The following KIAA0586 variants were observed in gnomAD, a reference collection of about 807,000 sequenced individuals.
KIAA0586 encodes protein TALPID3.
KIAA0586 carries 144 observed loss-of-function variants against 169.8 expected under a neutral mutation model. That is an observed-to-expected ratio of 0.85 (90% confidence interval 0.74 to 0.97). The LOEUF (loss-of-function observed/expected upper bound fraction) is 0.97. Among genes scored for constraint, KIAA0586 ranks in the 50% least tolerant of loss-of-function variants. The probability of loss-of-function intolerance (pLI) is 0.00; values close to 1 mark genes in which losing one functional copy is unlikely to be tolerated. For missense variants in KIAA0586, 1,854 were observed against 1,823.0 expected (o/e 1.02, Z -0.31); for synonymous variants, 625 against 612.4 (o/e 1.02, Z -0.30).
chr14:58,555,481 A>G (rs1193488372), downstream of KIAA0586, among the ~76,000 whole-genome samples: 2 of 152,066 alleles, frequency 1.3e-5, no homozygotes, highest in African/African-American at 2.4e-5. Context: ...TAACTTAATG[A>G]CCTGGATAGT....
chr14:58,459,794 A>C, intron 12 of KIAA0586, 49 bp from the exon 13 acceptor site: 1 of 1,031,358 alleles, frequency 9.7e-7, no homozygotes, highest in Non-Finnish European at 1.4e-6. Flanking sequence ...ATGTGAAAGC[A>C]TTACTATTTG....
chr14:58,436,695 A>G (rs540521497), intron 4 of KIAA0586, among the ~76,000 whole-genome samples: 1 of 152,222 alleles, frequency 6.6e-6, no homozygotes, highest in Non-Finnish European at 1.5e-5. Context: ...ATATGTGTGT[A>G]TATACATACA....
At chr14:58,485,531 TG>T (rs779381659) in intron 21 of KIAA0586, among the ~76,000 whole-genome samples, 12 of 152,172 alleles carry the variant, frequency 7.9e-5, no homozygotes, top group Non-Finnish European at 1.3e-4. Flanking sequence ...GTCCCACTTC[TG>T]GGAACTTATT....
intron 27 of KIAA0586, among the ~76,000 whole-genome samples, chr14:58,504,149 A>G (rs1249153312): frequency 6.6e-6 from 1 of 152,152 alleles, no homozygotes; most frequent in Non-Finnish European, 1.5e-5. Context: ...CTGAGATGCA[A>G]TGTGATGGAT....
intron 16 of KIAA0586, among the ~76,000 whole-genome samples, chr14:58,469,760 C>T (rs985304185): frequency 6.6e-6 from 1 of 152,154 alleles, no homozygotes; most frequent in Non-Finnish European, 1.5e-5. Flanking sequence ...TAAGACTCTA[C>T]AAAAGAGGAA....
chr14:58,540,129 A>AT lies in KIAA0586; in HGVS notation c.4492dup (p.Ser1498PhefsTer67), dbSNP rs1424053228. 1 of 1,542,494 alleles carries AT rather than the reference A, an allele frequency of 6.5e-7. No individual in the cohort carries two copies. The highest frequency in any genetic ancestry group is 8.8e-7 in the Non-Finnish European group (1 of 1,135,432). On this transcript the variant is annotated frameshift_variant, in exon 30 of 31. Coordinates refer to ENST00000652326, the MANE Select transcript of KIAA0586 (RefSeq NM_001329943.3). LOFTEE classifies it low-confidence loss of function (END_TRUNC). ...AGCTTAATCCGTACCTCACATGTGTATTTTCAGGTAAGATTTTTACTTTAA... is the reference window on the plus strand; with the variant it reads ...AGCTTAATCCGTACCTCACATGTGTATTTTTCAGGTAAGATTTTTACTTTAA...
Position 58,522,333 on chromosome 14 carries a change from G to A in KIAA0586, c.4429+9706G>A, listed in dbSNP as rs536935021. On this transcript the variant is annotated intron_variant, in intron 29 of 30. Transcript: ENST00000652326. ...GGAGTACAGTTCTTTTCATTCATAC[G>A]TAAGTTCAGTAGTTGCTTCCCTAAC... 4.6e-5 allele frequency among the ~76,000 whole-genome samples: 7 copies of A among 152,232 alleles called. No homozygotes were observed. In the South Asian group the frequency reaches 6.2e-4, roughly 14 times the overall value.
chr14:58,529,745 A>G (rs1343178593), intron 29 of KIAA0586, among the ~76,000 whole-genome samples: 1 of 152,224 alleles, frequency 6.6e-6, no homozygotes, highest in Admixed American at 6.5e-5. Flanking sequence ...CCCACAGCCA[A>G]TATCATACTG....
intron 19 of KIAA0586, among the ~76,000 whole-genome samples, chr14:58,475,534 A>G (rs2141033126): frequency 1.3e-5 from 2 of 152,262 alleles, no homozygotes; most frequent in East Asian, 3.9e-4. Flanking sequence ...CATACTGATA[A>G]CAACAAGCTG....
At chr14:58,532,940 T>C (rs1186486909) in intron 29 of KIAA0586, among the ~76,000 whole-genome samples, 1 of 152,164 alleles carries the variant, frequency 6.6e-6, no homozygotes, top group Admixed American at 6.5e-5. Flanking sequence ...TATCTTAAAA[T>C]CTAATTGTTA....
chr14:58,427,788 T>G lies in KIAA0586; in HGVS notation c.-477T>G. 8 of 1,515,534 alleles carry G rather than the reference T, an allele frequency of 5.3e-6. No homozygotes were observed. Among genetic ancestry groups the G allele is most frequent in the Non-Finnish European group, 6.2e-6 (7 of 1,136,650 alleles). The allele number at this position is 1,515,534 out of a possible 1,614,324, so 93.9% of individuals were successfully genotyped here. On this transcript the variant is annotated 5_prime_UTR_variant, in exon 1 of 31. An upstream start codon of the reference 5' UTR is lost. Transcript: ENST00000652326. Reference sequence around the variant, plus strand: ...CTGGAGATACGTAGGGGTGAATTTATGTTTCCGACGATTGCATCTGGAGGG... The same window carrying G: ...CTGGAGATACGTAGGGGTGAATTTAGGTTTCCGACGATTGCATCTGGAGGG...
rs113027787 is a variant in KIAA0586, at chr14:58,464,101, A to G, written c.2060-1734A>G. On this transcript the variant is annotated intron_variant, in intron 14 of 30. Coordinates refer to ENST00000652326, the MANE Select transcript of KIAA0586 (RefSeq NM_001329943.3). ...TCTGGAGAAGAACATCACAGACCCC[A>G]TGACACAGGCTGGGCTGGAAGAACT... is the stretch of plus-strand genomic sequence containing the variant. 1.5e-4 allele frequency: 60 copies of G among 410,472 alleles called. 1 individual carries two copies. Among genetic ancestry groups the G allele is most frequent in the African/African-American group, 1.0e-3 (49 of 47,186 alleles). 25.4% of individuals were successfully genotyped at this position (410,472 alleles called of 1,614,324 possible). A position where few individuals can be genotyped will look rare whatever the true frequency, so the allele number is the denominator to read the frequency against.
At chr14:58,530,788 A>T (rs1217141860) in intron 29 of KIAA0586, among the ~76,000 whole-genome samples, 1 of 152,218 alleles carries the variant, frequency 6.6e-6, no homozygotes, top group Non-Finnish European at 1.5e-5. Flanking sequence ...ATGGGCAAAG[A>T]CCTCATGACT....
rs541424883 is a variant in KIAA0586, at chr14:58,508,401, G to A, written c.4169-154G>A. On this transcript the variant is annotated intron_variant, in intron 27 of 30. Coordinates refer to ENST00000652326, the MANE Select transcript of KIAA0586 (RefSeq NM_001329943.3). Reference sequence around the variant, plus strand: ...TCTCTGAGTTTTGGTTTTAATTGCAGTGAAGGCTTGGTCCAGGTGTTTTTG... The same window carrying A: ...TCTCTGAGTTTTGGTTTTAATTGCAATGAAGGCTTGGTCCAGGTGTTTTTG... 6.6e-5 allele frequency among the ~76,000 whole-genome samples: 10 copies of A among 152,334 alleles called. No individual in the cohort carries two copies. In the East Asian group the frequency reaches 7.7e-4, roughly 12 times the overall value.
chr14:58,436,970 G>A (rs1219531713), intron 4 of KIAA0586, among the ~76,000 whole-genome samples: 1 of 152,176 alleles, frequency 6.6e-6, no homozygotes, highest in Admixed American at 6.5e-5. Context: ...AAGATAAATG[G>A]CAAATCATTG....
At chr14:58,498,993 A>G (rs755906420) in intron 27 of KIAA0586, 33 bp downstream of exon 27, 12 of 1,534,922 alleles carry the variant, frequency 7.8e-6, no homozygotes, top group Non-Finnish European at 1.1e-5. Flanking sequence ...TTGATGTGTC[A>G]TAGTAGTATC....
intron 15 of KIAA0586, among the ~76,000 whole-genome samples, chr14:58,466,292 G>C (rs1328741738): frequency 2.0e-5 from 3 of 152,074 alleles, no homozygotes; most frequent in Non-Finnish European, 2.9e-5. Context: ...ACCTTTTCTT[G>C]TAAATGTTAT....
At position 58,427,916 on chromosome 14, in the gene KIAA0586, A is replaced by G. The variant is rs2140368812; in HGVS notation, c.-349A>G. On this transcript the variant is annotated 5_prime_UTR_variant, in exon 1 of 31. Transcript: ENST00000652326. ...TTATTTGCTTGACTGCCTCTTCTCAACAAATTTTAAGCCCGCCACTACATG... is the reference window on the plus strand; with the variant it reads ...TTATTTGCTTGACTGCCTCTTCTCAGCAAATTTTAAGCCCGCCACTACATG... 5.1e-6 allele frequency: 7 copies of G among 1,372,010 alleles called. No homozygotes were observed. In the South Asian group the frequency reaches 6.2e-5, roughly 12 times the overall value. 85.0% of individuals were successfully genotyped at this position (1,372,010 alleles called of 1,614,324 possible). A position where few individuals can be genotyped will look rare whatever the true frequency, so the allele number is the denominator to read the frequency against.
intron 30 of KIAA0586, among the ~76,000 whole-genome samples, chr14:58,544,827 C>A (rs2046883353): frequency 6.6e-6 from 1 of 152,194 alleles, no homozygotes; most frequent in Non-Finnish European, 1.5e-5. Flanking sequence ...TTGGCCCTGG[C>A]CTTGCTTATC....
Sources: gnomAD v4.1 joint callset for allele counts (sites outside exome capture counted in the v4.1 genomes callset) on GRCh38, gnomAD v4.1.1 for gene constraint, MANE v1.5 for transcripts, NCBI Gene and HGNC (gene_info 2026-07-23, HGNC 2026-07-21) for gene names.